TRARG1: variants seen among roughly 807,000 people sequenced by gnomAD.
TRARG1 encodes the protein trafficking regulator of GLUT4 (SLC2A4) 1 (gene/pseudogene), also known as trafficking regulator of GLUT4 1.
A neutral mutation model predicts 13.3 loss-of-function variants in TRARG1; 16 were observed. That is an observed-to-expected ratio of 1.20 (90% CI 0.81 to 1.83). The LOEUF is 1.83. Ranked by LOEUF, TRARG1 falls within the 40% of genes most tolerant of loss-of-function variation. The pLI is 0.00. For synonymous variants in TRARG1, 113 were observed against 106.2 expected (o/e 1.06, Z -0.39); for missense variants, 250 against 237.4 (o/e 1.05, Z -0.35).
Position 1,280,062 on chromosome 17 carries a change from C to G in TRARG1, c.61C>G (p.Leu21Val). Reference sequence around the variant, plus strand: ...ACAGGAGCCAGGCTCCGCCGCATTCCTGGACCTGCCGGAGATGGAGATACT... The same window carrying G: ...ACAGGAGCCAGGCTCCGCCGCATTCGTGGACCTGCCGGAGATGGAGATACT... ...SAQEPGSAAF[L>V]DLPEMEILLT... Residue 21 changes from leucine to valine, a missense_variant, in exon 1 of 3, where the codon CTG becomes GTG. Leu to Val is a conservative substitution (Grantham distance 32). Coordinates refer to ENST00000333813, the MANE Select transcript of TRARG1 (RefSeq NM_172367.3). 6.2e-7 allele frequency: 1 copy of G among 1,613,514 alleles called. No individual in the cohort carries two copies. The highest frequency in any genetic ancestry group is 8.5e-7 in the Non-Finnish European group (1 of 1,180,032).
chr17:1,281,629 C>G (rs1363005304), intron 1 of TRARG1, among the ~76,000 whole-genome samples: 1 of 152,156 alleles, frequency 6.6e-6, no homozygotes, highest in Admixed American at 6.5e-5. Context: ...GCCTTCCGGG[C>G]AGCTCTCTGT....
intron 2 of TRARG1, among the ~76,000 whole-genome samples, chr17:1,297,885 G>A (rs953139612): frequency 6.6e-6 from 1 of 152,180 alleles, no homozygotes; most frequent in African/African-American, 2.4e-5. Context: ...GATGACAGGC[G>A]TGAGCTGCCG....
chr17:1,297,217 G>A (rs535144982), intron 2 of TRARG1, among the ~76,000 whole-genome samples: 12 of 152,198 alleles, frequency 7.9e-5, no homozygotes, highest in Admixed American at 2.6e-4. Flanking sequence ...TCCCTGAACC[G>A]GATTGGAATC....
chr17:1,282,166 G>A (rs1041798926), intron 1 of TRARG1, among the ~76,000 whole-genome samples: 2 of 147,808 alleles, frequency 1.4e-5, no homozygotes, highest in Admixed American at 1.3e-4. Flanking sequence ...GTGCATATAT[G>A]TACGTATACA....
chr17:1,282,720 C>T (rs1250098580), intron 1 of TRARG1, among the ~76,000 whole-genome samples: 2 of 138,810 alleles, frequency 1.4e-5, no homozygotes, highest in African/African-American at 2.7e-5. Context: ...AACGGAGCCT[C>T]GCTCTGTCGC....
At chr17:1,296,097 A>G (rs931820523) in intron 2 of TRARG1, among the ~76,000 whole-genome samples, 6 of 152,274 alleles carry the variant, frequency 3.9e-5, no homozygotes, top group African/African-American at 1.4e-4. Context: ...CAAGCAGTGC[A>G]TATGGTAGAA....
At position 1,282,096 on chromosome 17, in the gene TRARG1, GTA is replaced by G. The variant is rs557260796; in HGVS notation, c.387+1712_387+1713del. Among the ~76,000 whole-genome samples, 940 of 110,950 alleles carry G rather than the reference GTA, an allele frequency of 8.5e-3. 12 individuals carry two copies. Among genetic ancestry groups the G allele is most frequent in the African/African-American group, 0.029 (875 of 30,346 alleles). 72.8% of individuals were successfully genotyped at this position (110,950 alleles called of 152,430 possible). A position where few individuals can be genotyped will look rare whatever the true frequency, so the allele number is the denominator to read the frequency against. ...TATATACATATATGTACATATATAC[GTA>G]TATGTGTACACATAAATGCACATAT... On this transcript the variant is annotated intron_variant, in intron 1 of 2. Transcript: ENST00000333813.
chr17:1,285,741 T>G (rs1598189885), intron 1 of TRARG1, among the ~76,000 whole-genome samples: 3 of 123,836 alleles, frequency 2.4e-5, no homozygotes, highest in African/African-American at 6.4e-5. Context: ...AAGGGAAGGG[T>G]AAGGTCGAGG....
intron 1 of TRARG1, among the ~76,000 whole-genome samples, chr17:1,288,746 C>T (rs186646574): frequency 8.9e-4 from 15 of 16,760 alleles, no homozygotes; most frequent in East Asian, 2.7e-3. Flanking sequence ...CCCCCACGGG[C>T]TCCCCATCCC....
chr17:1,292,305 G>A (rs992796392), intron 1 of TRARG1, among the ~76,000 whole-genome samples: 1 of 152,216 alleles, frequency 6.6e-6, no homozygotes, highest in Non-Finnish European at 1.5e-5. Context: ...CTGAACCTTT[G>A]CAACAGCTCC....
At chr17:1,293,996 C>A (rs961032105) in intron 1 of TRARG1, among the ~76,000 whole-genome samples, 3 of 152,196 alleles carry the variant, frequency 2.0e-5, no homozygotes, top group Non-Finnish European at 4.4e-5. Flanking sequence ...GTAAAATCAT[C>A]ATCATCGTCT....
intron 1 of TRARG1, among the ~76,000 whole-genome samples, chr17:1,286,545 G>GGTGT (rs2072024640): frequency 8.9e-6 from 1 of 112,070 alleles, no homozygotes; most frequent in Non-Finnish European, 1.7e-5. Flanking sequence ...TGGCCTGTGG[G>GGTGT]TGTTGTCAGC....
In TRARG1 at chr17:1,279,738, G is replaced by A. The variant is rs574277424; in HGVS notation, c.-264G>A. 1 of 458,328 alleles carries A rather than the reference G, an allele frequency of 2.2e-6. No individual in the cohort carries two copies. Among genetic ancestry groups the A allele is most frequent in the Non-Finnish European group, 3.9e-6 (1 of 257,180 alleles). The allele number at this position is 458,328 out of a possible 1,614,324, so 28.4% of individuals were successfully genotyped here. On this transcript the variant is annotated 5_prime_UTR_variant, in exon 1 of 3. Coordinates refer to ENST00000333813, the MANE Select transcript of TRARG1 (RefSeq NM_172367.3). ...GCTCTCAGCAGCACCAGCAAAGTTG[G>A]CCTCAAACTTGAACAAAGCTGCAGG...
chr17:1,289,816 C>G (rs924914349), intron 1 of TRARG1, among the ~76,000 whole-genome samples: 1 of 152,110 alleles, frequency 6.6e-6, no homozygotes, highest in Non-Finnish European at 1.5e-5. Context: ...CATGGCACCC[C>G]GCACCTCTGC....
chr17:1,287,353 T>C (rs2072031807), intron 1 of TRARG1, among the ~76,000 whole-genome samples: 1 of 151,602 alleles, frequency 6.6e-6, no homozygotes, highest in Admixed American at 6.6e-5. Context: ...TATTGTTGTT[T>C]TTGTTTTTTT....
At chr17:1,288,142 C>T (rs866414619) in intron 1 of TRARG1, among the ~76,000 whole-genome samples, 3 of 151,948 alleles carry the variant, frequency 2.0e-5, no homozygotes, top group African/African-American at 7.3e-5. Context: ...CCCTTTTATC[C>T]ACCCGGTTGT....
At chr17:1,282,078 A>ACATATATACG (rs1555630767) in intron 1 of TRARG1, among the ~76,000 whole-genome samples, 55 of 150,900 alleles carry the variant, frequency 3.6e-4, no homozygotes, top group Admixed American at 5.3e-4. Context: ...ACATATATAC[A>ACATATATACG]TATATGTACA....
Position 1,280,293 on chromosome 17 carries a change from C to A in TRARG1, c.292C>A (p.Gln98Lys). 1 of 1,614,064 alleles carries A rather than the reference C, an allele frequency of 6.2e-7. No homozygotes were observed. Among genetic ancestry groups the A allele is most frequent in the Non-Finnish European group, 8.5e-7 (1 of 1,179,994 alleles). Residue 98 changes from glutamine (Q) to lysine (K), a missense_variant, in exon 1 of 3, where the codon CAA becomes AAA. Coordinates refer to ENST00000333813, the MANE Select transcript of TRARG1 (RefSeq NM_172367.3). ...SIATTSYAQD[Q>K]EAPRDYLILA... ...CGCCACCACCTCCTATGCCCAAGAC[C>A]AAGAAGCCCCCAGAGATTACCTCAT...
chr17:1,290,892 C>T (rs904896387), intron 1 of TRARG1, among the ~76,000 whole-genome samples: 8 of 140,678 alleles, frequency 5.7e-5, no homozygotes, highest in East Asian at 2.1e-4. Flanking sequence ...TGAGTTCTCG[C>T]GAGATCTGAT....
Sources: allele counts gnomAD v4.1 joint callset (sites outside exome capture counted in the v4.1 genomes callset), GRCh38; gene constraint gnomAD v4.1.1; transcripts MANE v1.5; gene names NCBI Gene and HGNC (gene_info 2026-07-23, HGNC 2026-07-21).